Variants in FAM110B observed in about 807,000 individuals in gnomAD.
The protein encoded by FAM110B is protein FAM110B.
FAM110B carries 6 observed loss-of-function variants against 20.4 expected under a neutral mutation model. The observed-to-expected ratio is 0.29, with a 90% confidence interval of 0.16 to 0.58. FAM110B has a LOEUF of 0.58. Among genes scored for constraint, FAM110B ranks in the 20% least tolerant of loss-of-function variants. The pLI is 0.90. For synonymous variants in FAM110B, 226 were observed against 214.1 expected, an observed-to-expected ratio of 1.06 and a Z score of -0.49; for missense variants, 434 against 498.2, an observed-to-expected ratio of 0.87 and a Z score of 1.23.
intron 1 of FAM110B, among the ~76,000 whole-genome samples, chr8:58,017,040 T>G (rs1271742123): frequency 1.3e-5 from 2 of 152,118 alleles, no homozygotes; most frequent in African/African-American, 2.4e-5. Flanking sequence ...GCAGTTTACT[T>G]TTTCAGTGCC....
chr8:57,999,127 A>T (rs1232962298), intron 1 of FAM110B, among the ~76,000 whole-genome samples: 1 of 152,262 alleles, frequency 6.6e-6, no homozygotes, highest in African/African-American at 2.4e-5. Flanking sequence ...TGGTGATAAA[A>T]ATAGTGAACA....
chr8:58,095,820 T>A (rs912059596), intron 3 of FAM110B, among the ~76,000 whole-genome samples: 1 of 152,186 alleles, frequency 6.6e-6, no homozygotes, highest in Non-Finnish European at 1.5e-5. Flanking sequence ...CGTTGATCTG[T>A]CTCATATTGA....
intron 1 of FAM110B, among the ~76,000 whole-genome samples, chr8:58,006,528 G>A (rs1277598261): frequency 6.6e-6 from 1 of 151,990 alleles, no homozygotes; most frequent in African/African-American, 2.4e-5. Context: ...AAAACTGGCT[G>A]GGTCCAAGTG....
At chr8:58,104,962 GAAAAAA>G in intron 3 of FAM110B, among the ~76,000 whole-genome samples, 2 of 126,090 alleles carry the variant, frequency 1.6e-5, no homozygotes, top group African/African-American at 5.6e-5. Flanking sequence ...TTCTTTAAAG[GAAAAAA>G]AAAAAAAAAG....
At chr8:58,131,304 G>A (rs1029656979) in intron 3 of FAM110B, among the ~76,000 whole-genome samples, 1 of 151,890 alleles carries the variant, frequency 6.6e-6, no homozygotes, top group Admixed American at 6.6e-5. Context: ...CAGGTGGAGT[G>A]TAGTGGCAAA....
chr8:58,042,626 T>C (rs192113697), intron 2 of FAM110B, among the ~76,000 whole-genome samples: 94 of 152,342 alleles, frequency 6.2e-4, no homozygotes, highest in African/African-American at 2.2e-3. Context: ...TGTGCCAGCA[T>C]TTTATGAGTA....
At chr8:58,006,924 T>TATATATATATA (rs6150600) in intron 1 of FAM110B, among the ~76,000 whole-genome samples, 6 of 110,972 alleles carry the variant, frequency 5.4e-5, no homozygotes, top group South Asian at 3.1e-4. Context: ...TATATATATA[T>TATATATATATA]TTTTCCAAAA....
intron 3 of FAM110B, chr8:58,106,186 T>C (rs1002573302): frequency 1.3e-5 from 2 of 152,210 alleles, no homozygotes. Flanking sequence ...ATATTAACTG[T>C]AATTAAATAA....
At chr8:58,038,886 A>G (rs1026394185) in intron 2 of FAM110B, among the ~76,000 whole-genome samples, 1 of 152,216 alleles carries the variant, frequency 6.6e-6, no homozygotes, top group Non-Finnish European at 1.5e-5. Context: ...GGAATTTCCT[A>G]AACAGCTGTG....
chr8:58,114,566 A>G (rs759162535), intron 3 of FAM110B, among the ~76,000 whole-genome samples: 1 of 152,134 alleles, frequency 6.6e-6, no homozygotes, highest in Non-Finnish European at 1.5e-5. Flanking sequence ...TCTGTATTCA[A>G]ACACTGACAG....
chr8:58,063,804 T>G, intron 2 of FAM110B, among the ~76,000 whole-genome samples: 1 of 152,382 alleles, frequency 6.6e-6, no homozygotes, highest in East Asian at 1.9e-4. Context: ...TTTATTTAAC[T>G]AATTTGTTAT....
At chr8:58,012,179 A>C (rs1261154737) in intron 1 of FAM110B, among the ~76,000 whole-genome samples, 1 of 152,224 alleles carries the variant, frequency 6.6e-6, no homozygotes, top group Non-Finnish European at 1.5e-5. Context: ...AATTCTGACT[A>C]GTTTCTTCTC....
intron 3 of FAM110B, among the ~76,000 whole-genome samples, chr8:58,108,948 C>T (rs1166056163): frequency 6.6e-6 from 1 of 152,212 alleles, no homozygotes; most frequent in East Asian, 1.9e-4. Flanking sequence ...ACAGTCTCAA[C>T]CCACCCAACA....
intron 2 of FAM110B, among the ~76,000 whole-genome samples, chr8:58,063,846 G>A (rs930853586): frequency 1.3e-5 from 2 of 151,920 alleles, no homozygotes; most frequent in African/African-American, 4.8e-5. Context: ...ATTTGTTTTT[G>A]CCTTATAAAG....
At chr8:58,092,420 G>A (rs1806505900) in intron 3 of FAM110B, among the ~76,000 whole-genome samples, 1 of 151,940 alleles carries the variant, frequency 6.6e-6, no homozygotes, top group African/African-American at 2.4e-5. Flanking sequence ...GACAGGCCAT[G>A]GTGTGTGATG....
At chr8:58,143,945 A>G (rs957885628) in intron 3 of FAM110B, among the ~76,000 whole-genome samples, 2 of 152,232 alleles carry the variant, frequency 1.3e-5, no homozygotes, top group Non-Finnish European at 2.9e-5. Flanking sequence ...TCATTCACCA[A>G]TATTCCAACA....
chr8:58,139,560 T>G (rs929623274), intron 3 of FAM110B, among the ~76,000 whole-genome samples: 1 of 152,212 alleles, frequency 6.6e-6, no homozygotes, highest in African/African-American at 2.4e-5. Flanking sequence ...ACTTTTGCAT[T>G]CTTTACAAGT....
At chr8:58,108,229 A>T (rs1467932823) in intron 3 of FAM110B, among the ~76,000 whole-genome samples, 2 of 152,260 alleles carry the variant, frequency 1.3e-5, no homozygotes, top group African/African-American at 4.8e-5. Context: ...GATGCCAGTG[A>T]TGGTCAAGGA....
rs925862941 is a variant in FAM110B, at chr8:58,019,074, C to T, written c.-511-12532C>T. Among the ~76,000 whole-genome samples, 30 of 152,112 alleles carry T rather than the reference C, an allele frequency of 2.0e-4. No individual in the cohort carries two copies. The South Asian group carries it at 4.8e-3, about 24-fold the overall frequency. ...AGAAAAGGCCAGGCGCGGTGGCTCA[C>T]GCCTGTAATCCCAGCACTTTGGGAG... On this transcript the variant is annotated intron_variant, in intron 1 of 3. Transcript: ENST00000519262.
Sources: allele counts gnomAD v4.1 joint callset (sites outside exome capture counted in the v4.1 genomes callset), GRCh38; gene constraint gnomAD v4.1.1; transcripts MANE v1.5; gene names NCBI Gene and HGNC (gene_info 2026-07-23, HGNC 2026-07-21).